IFT80: variants seen among roughly 807,000 people sequenced by gnomAD.
IFT80 encodes intraflagellar transport 80.
IFT80 carries 79 observed loss-of-function variants against 107.9 expected under a neutral mutation model. That is an observed-to-expected ratio of 0.73 (90% CI 0.61 to 0.88). The LOEUF is 0.88. Among genes scored for constraint, IFT80 ranks in the 40% least tolerant of loss-of-function variants. The pLI, the probability that IFT80 is intolerant of heterozygous loss-of-function variation, is 0.00. For missense variants in IFT80, 797 were observed against 914.2 expected (o/e 0.87, Z 1.65); for synonymous variants, 299 against 300.9 (o/e 0.99, Z 0.07).
rs1715046881 is a variant in IFT80 at position 160,285,831 on chromosome 3, TA to T, written c.1352del (p.Leu451Ter). On this transcript the variant is annotated frameshift_variant, in exon 13 of 20. Transcript: ENST00000326448. LOFTEE classifies it high-confidence loss of function. ...TATGAGAAAGAAACTTTCCATCACCTAACGGCTTTCCGGTTGATGCCTCAAA... is the reference window on the plus strand; with the variant it reads ...TATGAGAAAGAAACTTTCCATCACCTACGGCTTTCCGGTTGATGCCTCAAA... ...FLFEASTGKP[L>X]GDGKFLSHKN... is the part of the protein sequence containing the mutation. 6.2e-7 allele frequency: 1 copy of T among 1,612,038 alleles called. No homozygotes were observed. Among genetic ancestry groups the T allele is most frequent in the Non-Finnish European group, 8.5e-7 (1 of 1,178,480 alleles).
At chr3:160,266,749 G>A (rs190304160) in intron 19 of IFT80, among the ~76,000 whole-genome samples, 1 of 152,114 alleles carries the variant, frequency 6.6e-6, no homozygotes, top group Non-Finnish European at 1.5e-5. Context: ...TGATGGCGAG[G>A]AGGAAAAAGC....
intron 5 of IFT80, among the ~76,000 whole-genome samples, chr3:160,368,077 G>C (rs771037204): frequency 2.0e-5 from 3 of 151,844 alleles, no homozygotes; most frequent in African/African-American, 7.2e-5. Flanking sequence ...ATGAATAAAT[G>C]AATGAATCAT....
chr3:160,366,651 T>C (rs1363024094), intron 5 of IFT80, among the ~76,000 whole-genome samples: 1 of 152,050 alleles, frequency 6.6e-6, no homozygotes, highest in African/African-American at 2.4e-5. Context: ...TGTAATCACC[T>C]AGCAAGCTTT....
At chr3:160,307,853 A>C in intron 9 of IFT80, 72 bp from the exon 10 acceptor site, 1 of 805,256 alleles carries the variant, frequency 1.2e-6, no homozygotes. Context: ...AGTTAGCAAG[A>C]TTTTGAAACA....
At chr3:160,352,078 C>A (rs577027397) in intron 8 of IFT80, among the ~76,000 whole-genome samples, 3 of 150,674 alleles carry the variant, frequency 2.0e-5, no homozygotes, top group Non-Finnish European at 4.4e-5. Context: ...TGCAGTGGTG[C>A]GATCTTGGCT....
At chr3:160,344,736 A>T (rs570704913) in intron 8 of IFT80, among the ~76,000 whole-genome samples, 51 of 152,230 alleles carry the variant, frequency 3.4e-4, no homozygotes, top group African/African-American at 1.2e-3. Flanking sequence ...AGACCCAACA[A>T]CCCCATGGGA....
Position 160,286,022 on chromosome 3 carries a change from C to T in IFT80, c.1316-154G>A, listed in dbSNP as rs1287620686. Among the ~76,000 whole-genome samples the T allele has an allele frequency of 3.9e-5, 6 of 152,048 alleles. No individual in the cohort carries two copies. In the East Asian group the frequency reaches 9.6e-4, roughly 24 times the overall value. On this transcript the variant is annotated intron_variant, in intron 12 of 19. Coordinates refer to ENST00000326448, the MANE Select transcript of IFT80 (RefSeq NM_020800.3). ...CAATTTTAATTTATTAATGTGGTCACATTTCTTATGAAAACAATAAAACTG... is the reference window on the plus strand; with the variant it reads ...CAATTTTAATTTATTAATGTGGTCATATTTCTTATGAAAACAATAAAACTG...
chr3:160,368,023 A>G (rs1051753570), intron 5 of IFT80, among the ~76,000 whole-genome samples: 1 of 151,950 alleles, frequency 6.6e-6, no homozygotes, highest in African/African-American at 2.4e-5. Context: ...GGACTCCTAA[A>G]TCAGACTATT....
intron 12 of IFT80, among the ~76,000 whole-genome samples, chr3:160,299,833 G>A (rs987987533): frequency 1.3e-4 from 20 of 152,070 alleles, no homozygotes; most frequent in African/African-American, 2.4e-5. Context: ...TTTGCAGACC[G>A]ACCCCCTCCA....
chr3:160,375,780 G>C (rs1340622890), intron 5 of IFT80, 32 bp downstream of exon 5: 1 of 1,490,174 alleles, frequency 6.7e-7, no homozygotes, highest in Non-Finnish European at 9.3e-7. Flanking sequence ...TGTATAATTT[G>C]CAAAAATGAA....
intron 9 of IFT80, 41 bp downstream of exon 9, chr3:160,319,719 G>C (rs1432010152): frequency 6.7e-7 from 1 of 1,489,668 alleles, no homozygotes. Context: ...TAACTAATAT[G>C]AAAAGAAGCA....
intron 12 of IFT80, among the ~76,000 whole-genome samples, chr3:160,286,451 G>T (rs1475930785): frequency 6.6e-6 from 1 of 152,156 alleles, no homozygotes; most frequent in East Asian, 1.9e-4. Flanking sequence ...GGAATTCAGT[G>T]GGCATGAAGA....
At chr3:160,396,193 C>T (rs1218952261) in intron 1 of IFT80, among the ~76,000 whole-genome samples, 3 of 151,886 alleles carry the variant, frequency 2.0e-5, no homozygotes, top group African/African-American at 4.8e-5. Context: ...CCTGGGTTTT[C>T]GGTGATAAGT....
intron 12 of IFT80, chr3:160,299,220 C>T: frequency 8.9e-7 from 1 of 1,129,036 alleles, no homozygotes; most frequent in Non-Finnish European, 1.1e-6. Flanking sequence ...TCTTTCTTAG[C>T]CAAAAAGGAA....
chr3:160,294,675 CA>C (rs2108258005), intron 12 of IFT80, among the ~76,000 whole-genome samples: 1 of 152,316 alleles, frequency 6.6e-6, no homozygotes, highest in South Asian at 2.1e-4. Context: ...GTAAAATATT[CA>C]ACTCAAAGTT....
intron 1 of IFT80, 63 bp from the exon 2 acceptor site, chr3:160,384,709 C>T (rs1388149609): frequency 3.1e-6 from 4 of 1,277,552 alleles, no homozygotes; most frequent in African/African-American, 3.0e-5. Flanking sequence ...CGTATACAAA[C>T]ACAAAAGGCA....
At chr3:160,371,613 T>A (rs888638242) in intron 5 of IFT80, among the ~76,000 whole-genome samples, 1 of 152,104 alleles carries the variant, frequency 6.6e-6, no homozygotes, top group African/African-American at 2.4e-5. Context: ...CGGCTAACTT[T>A]TGTATTTTTT....
chr3:160,285,815 G>T lies in IFT80; in HGVS notation c.1369C>A (p.Leu457Ile). 1 of 1,607,540 alleles carries T rather than the reference G, an allele frequency of 6.2e-7. No individual in the cohort carries two copies. Among genetic ancestry groups the T allele is most frequent in the Non-Finnish European group, 8.5e-7 (1 of 1,174,930 alleles). ...TTAATGTCCATTACCTTATGAGAAA[G>T]AAACTTTCCATCACCTAACGGCTTT... ...TGKPLGDGKF[L>I]SHKNEILEIA... Residue 457 changes from leucine (L) to isoleucine (I), a missense_variant, in exon 13 of 20, where the codon CTT (leucine) becomes ATT (isoleucine). Physicochemically the swap from Leu to Ile is conservative, Grantham distance 5. Transcript: ENST00000326448.
intron 12 of IFT80, among the ~76,000 whole-genome samples, chr3:160,291,153 C>A (rs548743514): frequency 1.3e-5 from 2 of 152,300 alleles, no homozygotes; most frequent in Non-Finnish European, 2.9e-5. Context: ...CCTATGAACA[C>A]CTCTCAGTGA....
Sources: allele counts gnomAD v4.1 joint callset (sites outside exome capture counted in the v4.1 genomes callset), GRCh38; gene constraint gnomAD v4.1.1; transcripts MANE v1.5; gene names NCBI Gene and HGNC (gene_info 2026-07-23, HGNC 2026-07-21).